Variants in MACROD2 observed in about 807,000 individuals in gnomAD.
MACROD2 encodes the protein ADP-ribose glycohydrolase MACROD2.
In MACROD2, 36 loss-of-function variants were observed where a neutral mutation model predicts 70.4. The ratio of observed to expected loss-of-function variants is 0.51; its 90% confidence interval spans 0.39 to 0.68. The LOEUF (loss-of-function observed/expected upper bound fraction) is 0.68. MACROD2 is among the 30% of genes least tolerant of loss of function. The pLI, the probability that MACROD2 is intolerant of heterozygous loss-of-function variation, is 0.00. For synonymous variants in MACROD2, 172 were observed against 178.8 expected, an observed-to-expected ratio of 0.96 and a Z score of 0.30; for missense variants, 496 against 538.4, an observed-to-expected ratio of 0.92 and a Z score of 0.78.
In MACROD2 at chr20:15,970,211, G is replaced by A. The variant is rs73597738; in HGVS notation, c.985+2581G>A. Among the ~76,000 whole-genome samples, 1,212 of 152,204 alleles carry A rather than the reference G, an allele frequency of 8.0e-3. 3 individuals are homozygous for A. Among genetic ancestry groups the A allele is most frequent in the African/African-American group, 0.021 (874 of 41,536 alleles). On this transcript the variant is annotated intron_variant, in intron 13 of 17. Transcript: ENST00000684519. Reference sequence around the variant, plus strand: ...CAGTTCATCACCAGAGAATTCTGGTGTTCTGCAAGTAGAAAGCTATTAATC... The same window carrying A: ...CAGTTCATCACCAGAGAATTCTGGTATTCTGCAAGTAGAAAGCTATTAATC...
At chr20:14,011,217 A>T (rs1332147062) in intron 2 of MACROD2, among the ~76,000 whole-genome samples, 1 of 152,192 alleles carries the variant, frequency 6.6e-6, no homozygotes, top group Non-Finnish European at 1.5e-5. Flanking sequence ...GCAGTCCCTT[A>T]CTGGCAAGGT....
At chr20:14,724,289 A>G (rs557678727) in intron 5 of MACROD2, among the ~76,000 whole-genome samples, 133 of 152,158 alleles carry the variant, frequency 8.7e-4, no homozygotes, top group Non-Finnish European at 1.4e-3. Context: ...CCTCTATTTG[A>G]CTGAGTAAAT....
In MACROD2 at chr20:16,050,301, A is replaced by C. The variant is rs1234525637; in HGVS notation, c.*425A>C. On this transcript the variant is annotated 3_prime_UTR_variant, in exon 18 of 18. Transcript: ENST00000684519. ...CAGTGGTTTGATAAGCTGCAGGATA[A>C]ATTTTAGGAATCAATGAGCCCAGCA... 1 of 157,104 alleles carries C rather than the reference A, an allele frequency of 6.4e-6. No homozygotes were observed. Among genetic ancestry groups the C allele is most frequent in the Non-Finnish European group, 1.4e-5 (1 of 71,310 alleles). 9.7% of individuals were successfully genotyped at this position (157,104 alleles called of 1,614,324 possible).
chr20:14,589,643 G>C (rs1271754621), intron 4 of MACROD2, among the ~76,000 whole-genome samples: 2 of 152,104 alleles, frequency 1.3e-5, no homozygotes, highest in Non-Finnish European at 2.9e-5. Flanking sequence ...TGACTGAAAT[G>C]TTTATACTTA....
intron 6 of MACROD2, among the ~76,000 whole-genome samples, chr20:15,262,244 C>T (rs1276888489): frequency 1.3e-5 from 2 of 151,954 alleles, no homozygotes; most frequent in Non-Finnish European, 2.9e-5. Flanking sequence ...ACTCTATCTG[C>T]ATGAGTTCAA....
intron 6 of MACROD2, among the ~76,000 whole-genome samples, chr20:15,340,135 T>C (rs2078094159): frequency 1.2e-5 from 1 of 84,088 alleles, no homozygotes. Context: ...TCTTTCTTTT[T>C]TTTTTTTTTT....
intron 8 of MACROD2, among the ~76,000 whole-genome samples, chr20:15,560,498 C>T (rs968281861): frequency 6.6e-6 from 1 of 152,080 alleles, no homozygotes; most frequent in Non-Finnish European, 1.5e-5. Flanking sequence ...TTCAATGACT[C>T]ATGCCTATAA....
intron 4 of MACROD2, among the ~76,000 whole-genome samples, chr20:14,589,012 G>A (rs1488850040): frequency 6.6e-6 from 1 of 152,022 alleles, no homozygotes; most frequent in East Asian, 1.9e-4. Context: ...TTTTAGTTTA[G>A]TCACATTATC....
chr20:15,636,089 A>AAGAAAG lies in MACROD2; in HGVS notation c.645+136243_645+136244insGAAAGA, dbSNP rs1555851922. Among the ~76,000 whole-genome samples the AAGAAAG allele has an allele frequency of 1.7e-4, 23 of 135,022 alleles. 1 individual carries two copies. Among genetic ancestry groups the AAGAAAG allele is most frequent in the African/African-American group, 6.0e-4 (22 of 36,850 alleles). The allele number at this position is 135,022 out of a possible 152,430, so 88.6% of individuals were successfully genotyped here. On this transcript the variant is annotated intron_variant, in intron 8 of 17. Transcript: ENST00000684519. ...TCCCTCTCAAAAGAAAAAAAAAAAA[A>AAGAAAG]AAAGAAAGAAAAGAAAAGAAAAAAG...
At chr20:15,489,623 A>G (rs1229010510) in intron 7 of MACROD2, among the ~76,000 whole-genome samples, 1 of 152,220 alleles carries the variant, frequency 6.6e-6, no homozygotes, top group Non-Finnish European at 1.5e-5. Flanking sequence ...TCCTCTGGGC[A>G]TAGCTTATGC....
chr20:15,966,600 G>A (rs1245171190), intron 12 of MACROD2, among the ~76,000 whole-genome samples: 1 of 152,084 alleles, frequency 6.6e-6, no homozygotes, highest in African/African-American at 2.4e-5. Context: ...AAACTAAGTG[G>A]GCATGGTGGC....
At chr20:15,738,301 C>A (rs1011089684) in intron 8 of MACROD2, among the ~76,000 whole-genome samples, 1 of 151,946 alleles carries the variant, frequency 6.6e-6, no homozygotes, top group Non-Finnish European at 1.5e-5. Context: ...ATTACATATA[C>A]CCCGTAAATA....
chr20:14,578,147 T>A (rs901206614), intron 4 of MACROD2, among the ~76,000 whole-genome samples: 2 of 150,814 alleles, frequency 1.3e-5, no homozygotes, highest in African/African-American at 4.9e-5. Flanking sequence ...TATTTAAAAA[T>A]ATATATAATA....
At chr20:14,013,156 T>C (rs1019590475) in intron 2 of MACROD2, among the ~76,000 whole-genome samples, 2 of 152,206 alleles carry the variant, frequency 1.3e-5, no homozygotes, top group Admixed American at 1.3e-4. Flanking sequence ...CTGCCAGTTT[T>C]TTTTTCAAAT....
chr20:15,548,844 C>A (rs2048059053), intron 8 of MACROD2, among the ~76,000 whole-genome samples: 1 of 152,170 alleles, frequency 6.6e-6, no homozygotes, highest in African/African-American at 2.4e-5. Flanking sequence ...TACTCTGAGA[C>A]CACCATGCAG....
At chr20:14,102,963 A>AGGAT (rs2054319421) in intron 3 of MACROD2, among the ~76,000 whole-genome samples, 1 of 152,188 alleles carries the variant, frequency 6.6e-6, no homozygotes. Context: ...CATTTCTATG[A>AGGAT]GGATGGAGTG....
rs1325536380 is a variant in MACROD2, at chr20:14,298,453, A to G, written c.272-195026A>G. ...TGTGGTGGTGGGTGTCTGTAATCCT[A>G]GCTACTCAGGAGGCTGAGGCAGGAG... On this transcript the variant is annotated intron_variant, in intron 3 of 17. Coordinates refer to ENST00000684519, the MANE Select transcript of MACROD2 (RefSeq NM_001351661.2). Among the ~76,000 whole-genome samples the G allele has an allele frequency of 2.0e-5, 3 of 151,522 alleles. 1 individual carries two copies. The highest frequency in any genetic ancestry group is 2.1e-4 in the South Asian group (1 of 4,822).
intron 5 of MACROD2, among the ~76,000 whole-genome samples, chr20:14,936,736 C>T (rs775194140): frequency 5.3e-5 from 8 of 152,090 alleles, no homozygotes; most frequent in Admixed American, 2.6e-4. Context: ...TTCACCTGTG[C>T]CTGGCACTTG....
chr20:15,349,187 C>T (rs532563931), intron 6 of MACROD2, among the ~76,000 whole-genome samples: 66 of 152,174 alleles, frequency 4.3e-4, no homozygotes, highest in Non-Finnish European at 7.4e-4. Flanking sequence ...ATGGAATGTT[C>T]GTGTCAACTC....
Sources: gnomAD v4.1 joint callset for allele counts (sites outside exome capture counted in the v4.1 genomes callset) on GRCh38, gnomAD v4.1.1 for gene constraint, MANE v1.5 for transcripts, NCBI Gene and HGNC (gene_info 2026-07-23, HGNC 2026-07-21) for gene names.